CORO1C: variants seen among roughly 807,000 people sequenced by gnomAD.
The protein encoded by CORO1C is coronin 1C, also known as coronin-1C.
A neutral mutation model predicts 51.2 loss-of-function variants in CORO1C; 14 were observed. The ratio of observed to expected loss-of-function variants is 0.27; its 90% CI spans 0.18 to 0.43. CORO1C has a LOEUF of 0.43. CORO1C is among the 20% of genes least tolerant of loss of function. CORO1C has a pLI of 1.00. For missense variants in CORO1C, 417 were observed against 607.8 expected, an observed-to-expected ratio of 0.69 and a Z score of 3.30; for synonymous variants, 181 against 210.5, an observed-to-expected ratio of 0.86 and a Z score of 1.21.
chr12:108,708,538 T>G (rs2035092388), intron 1 of CORO1C, among the ~76,000 whole-genome samples: 1 of 150,462 alleles, frequency 6.6e-6, no homozygotes, highest in Non-Finnish European at 1.5e-5. Context: ...CTCGGCTCAC[T>G]GCAACCTCTG....
intron 2 of CORO1C, among the ~76,000 whole-genome samples, chr12:108,692,214 G>C (rs2034522379): frequency 6.6e-6 from 1 of 152,104 alleles, no homozygotes; most frequent in Non-Finnish European, 1.5e-5. Context: ...ACACTTGGCA[G>C]TTGAAGGTGC....
chr12:108,721,787 C>T (rs2035479364), intron 1 of CORO1C, among the ~76,000 whole-genome samples: 3 of 152,070 alleles, frequency 2.0e-5, no homozygotes. Flanking sequence ...GAGTGCCCAG[C>T]TCTGGCCATT....
Position 108,668,086 on chromosome 12 carries a change from T to C in CORO1C, c.319-5928A>G, listed in dbSNP as rs1361049276. On this transcript the variant is annotated intron_variant, in intron 3 of 10. Transcript: ENST00000261401. ...GGTTACACCCCCAAAAGACCCTATT[T>C]TTCCATTCCTAAGGAAACCAATTCC... Among the ~76,000 whole-genome samples, 4 of 152,308 alleles carry C rather than the reference T, an allele frequency of 2.6e-5. No individual in the cohort carries two copies. The East Asian group carries it at 7.7e-4, about 29-fold the overall frequency.
At chr12:108,669,852 C>T (rs2033647015) in intron 3 of CORO1C, among the ~76,000 whole-genome samples, 1 of 152,098 alleles carries the variant, frequency 6.6e-6, no homozygotes, top group African/African-American at 2.4e-5. Flanking sequence ...CTAAGCTATA[C>T]AAGCTTCAAT....
At chr12:108,655,755 C>T (rs1310430989) in intron 6 of CORO1C, among the ~76,000 whole-genome samples, 2 of 152,220 alleles carry the variant, frequency 1.3e-5, no homozygotes, top group African/African-American at 4.8e-5. Flanking sequence ...AGCCGCCTGC[C>T]TTGGCCTCCC....
At chr12:108,690,943 G>A (rs2034472921) in intron 2 of CORO1C, among the ~76,000 whole-genome samples, 1 of 152,218 alleles carries the variant, frequency 6.6e-6, no homozygotes, top group Non-Finnish European at 1.5e-5. Context: ...ATTGGAGATT[G>A]ATCTACTGAA....
chr12:108,704,069 G>A (rs1263940663), intron 1 of CORO1C, among the ~76,000 whole-genome samples: 1 of 152,194 alleles, frequency 6.6e-6, no homozygotes, highest in African/African-American at 2.4e-5. Context: ...AAATAGGCCA[G>A]ATACCATCTA....
rs192069238 is a variant in CORO1C at position 108,646,603 on chromosome 12, T to A, written c.*800A>T. 1.3e-5 allele frequency: 2 copies of A among 152,324 alleles called. No homozygotes were observed. Among genetic ancestry groups the A allele is most frequent in the Admixed American group, 6.5e-5 (1 of 15,302 alleles). 9.4% of individuals were successfully genotyped at this position (152,324 alleles called of 1,614,324 possible). A position where few individuals can be genotyped will look rare whatever the true frequency, so the allele number is the denominator to read the frequency against. The stretch of plus-strand genomic sequence containing the variant: ...GATTATAATCATCTGAAGCACAGGA[T>A]AACCGAGAAGCAAAATTCCATTCTG... On this transcript the variant is annotated 3_prime_UTR_variant, in exon 11 of 11. Coordinates refer to ENST00000261401, the MANE Select transcript of CORO1C (RefSeq NM_014325.4).
chr12:108,696,934 T>C (rs149030026), intron 2 of CORO1C, among the ~76,000 whole-genome samples: 2 of 152,350 alleles, frequency 1.3e-5, no homozygotes, highest in East Asian at 1.9e-4. Flanking sequence ...TCATAAACCA[T>C]ATGCTTAAAA....
chr12:108,730,417 C>T (rs1388939423), intron 1 of CORO1C: 1 of 152,332 alleles, frequency 6.6e-6, no homozygotes, highest in Admixed American at 6.5e-5. Context: ...CAGCCTGCCA[C>T]TTCCCCCAAC....
chr12:108,688,973 G>C (rs999098993), intron 2 of CORO1C, among the ~76,000 whole-genome samples: 2 of 151,200 alleles, frequency 1.3e-5, no homozygotes, highest in Non-Finnish European at 2.9e-5. Context: ...GGAGGTTGCA[G>C]TGAGCTGAGA....
At chr12:108,713,663 G>A (rs955158989) in intron 1 of CORO1C, among the ~76,000 whole-genome samples, 2 of 152,190 alleles carry the variant, frequency 1.3e-5, no homozygotes, top group East Asian at 1.9e-4. Context: ...GCCTGAAGAC[G>A]TATAACTCCT....
intron 1 of CORO1C, among the ~76,000 whole-genome samples, chr12:108,705,170 G>A (rs952505481): frequency 3.9e-5 from 6 of 152,066 alleles, no homozygotes; most frequent in African/African-American, 1.4e-4. Flanking sequence ...ACAAAATGAA[G>A]GGAATGATAC....
intron 3 of CORO1C, among the ~76,000 whole-genome samples, chr12:108,665,706 T>A (rs1229624645): frequency 6.6e-6 from 1 of 152,140 alleles, no homozygotes; most frequent in African/African-American, 2.4e-5. Flanking sequence ...AATTAAGGAA[T>A]TAATTAACCC....
chr12:108,729,621 A>C (rs921509656), intron 1 of CORO1C, among the ~76,000 whole-genome samples: 3 of 152,198 alleles, frequency 2.0e-5, no homozygotes, highest in Non-Finnish European at 2.9e-5. Context: ...CTACTTATTT[A>C]TGCGATTTCT....
chr12:108,662,373 A>G (rs1470579298), intron 3 of CORO1C, among the ~76,000 whole-genome samples: 1 of 151,718 alleles, frequency 6.6e-6, no homozygotes, highest in East Asian at 1.9e-4. Context: ...ACGGAGTCTC[A>G]CACTGTTACC....
intron 3 of CORO1C, among the ~76,000 whole-genome samples, chr12:108,674,444 G>A (rs10861959): frequency 0.58 from 83,502 of 144,426 alleles, 23,662 homozygotes; most frequent in East Asian, 0.76. Context: ...GCTACTCGGA[G>A]GGCTGAGGCA....
chr12:108,730,080 T>TA (rs1457318716), intron 1 of CORO1C: 4 of 152,246 alleles, frequency 2.6e-5, no homozygotes, highest in African/African-American at 4.8e-5. Flanking sequence ...ACCAGTTTAT[T>TA]AAACGCGCAC....
intron 4 of CORO1C, among the ~76,000 whole-genome samples, chr12:108,660,235 T>C (rs2033199250): frequency 6.6e-6 from 1 of 152,176 alleles, no homozygotes. Flanking sequence ...GCAGATCACC[T>C]GAGGTCAGGA....
Sources: gnomAD v4.1 joint callset for allele counts (sites outside exome capture counted in the v4.1 genomes callset) on GRCh38, gnomAD v4.1.1 for gene constraint, MANE v1.5 for transcripts, NCBI Gene and HGNC (gene_info 2026-07-23, HGNC 2026-07-21) for gene names.